Variants in N4BP2 observed in about 807,000 individuals in gnomAD.
N4BP2 encodes NEDD4 binding protein 2, also known as NEDD4-binding protein 2.
N4BP2 carries 91 observed loss-of-function variants against 152.8 expected under a neutral mutation model. The observed-to-expected ratio is 0.60, with a 90% confidence interval of 0.50 to 0.71. N4BP2 has a LOEUF of 0.71. Among genes scored for constraint, N4BP2 ranks in the 30% least tolerant of loss-of-function variants. N4BP2 has a pLI of 0.00. For missense variants in N4BP2, 1,923 were observed against 2,059.1 expected, an observed-to-expected ratio of 0.93 and a Z score of 1.28; for synonymous variants, 646 against 705.3, an observed-to-expected ratio of 0.92 and a Z score of 1.33.
At position 40,131,894 on chromosome 4, in the gene N4BP2, C is replaced by T. The variant is rs781322046; in HGVS notation, c.4621C>T (p.Leu1541=). ...KIFPAINQNF[L]VDIFKDHNYS... ...ATTTCCAGCCATTAACCAAAATTTTCTGGTGGACATTTTCAAGGACCACAA... is the reference window on the plus strand; with the variant it reads ...ATTTCCAGCCATTAACCAAAATTTTTTGGTGGACATTTTCAAGGACCACAA... The change falls in exon 13 of 18, where the codon CTG becomes TTG. Residue 1541 remains leucine, a synonymous_variant. Coordinates refer to ENST00000261435, the MANE Select transcript of N4BP2 (RefSeq NM_018177.6). The T allele has an allele frequency of 1.1e-5, 17 of 1,612,028 alleles. No homozygotes were observed. The highest frequency in any genetic ancestry group is 2.5e-6 in the Non-Finnish European group (3 of 1,178,398).
the N4BP2 span, among the ~76,000 whole-genome samples, chr4:40,183,935 C>T: frequency 6.6e-6 from 1 of 152,144 alleles, no homozygotes; most frequent in African/African-American, 2.4e-5. Context: ...TGCTCCTGCC[C>T]GTGTCTACTT....
chr4:40,165,964 A>G, the N4BP2 span, among the ~76,000 whole-genome samples: 3 of 151,988 alleles, frequency 2.0e-5, no homozygotes, highest in Admixed American at 6.6e-5. Flanking sequence ...GGCCTTATCT[A>G]TCTCCCTTCC....
At chr4:40,119,006 G>T (rs1387679872) in intron 8 of N4BP2, among the ~76,000 whole-genome samples, 1 of 152,132 alleles carries the variant, frequency 6.6e-6, no homozygotes, top group Non-Finnish European at 1.5e-5. Context: ...ATGCTTTTTT[G>T]ATTGAGAAAC....
At chr4:40,095,547 G>A (rs1425950569) in intron 2 of N4BP2, among the ~76,000 whole-genome samples, 2 of 152,116 alleles carry the variant, frequency 1.3e-5, no homozygotes, top group Non-Finnish European at 2.9e-5. Context: ...ATGGCTGGTG[G>A]CTGCCATATT....
chr4:40,118,080 T>TA, intron 8 of N4BP2, 56 bp downstream of exon 8: 1 of 1,387,008 alleles, frequency 7.2e-7, no homozygotes. Flanking sequence ...TTTTAAAAGG[T>TA]ATAATTTTGG....
downstream of N4BP2, among the ~76,000 whole-genome samples, chr4:40,158,434 G>A (rs1721761974): frequency 2.0e-5 from 3 of 152,288 alleles, no homozygotes; most frequent in South Asian, 6.2e-4. Flanking sequence ...TTTTGAACCA[G>A]ATAAATGGAT....
intron 17 of N4BP2, among the ~76,000 whole-genome samples, chr4:40,153,232 A>G (rs2109290883): frequency 6.6e-6 from 1 of 152,364 alleles, no homozygotes; most frequent in East Asian, 1.9e-4. Flanking sequence ...GTTCTAAAAG[A>G]AAGTAAATAT....
rs1192128455 is a variant in N4BP2 at position 40,144,819 on chromosome 4, C to G, written c.5143+19C>G. 1.3e-6 allele frequency: 2 copies of G among 1,579,198 alleles called. No individual in the cohort carries two copies. Among genetic ancestry groups the G allele is most frequent in the East Asian group, 4.5e-5 (2 of 44,076 alleles). On this transcript the variant is annotated intron_variant, in intron 16 of 17. Transcript: ENST00000261435. ...ACTGAAGGTAGGACTGTGGTAATCA[C>G]AAGTTTTCAATAGAATATATGTCTT... is the stretch of plus-strand genomic sequence containing the variant.
intron 2 of N4BP2, among the ~76,000 whole-genome samples, chr4:40,085,460 TA>T (rs1216885897): frequency 6.6e-6 from 1 of 152,196 alleles, no homozygotes; most frequent in Non-Finnish European, 1.5e-5. Context: ...ATTTATTTTT[TA>T]TTCTTTTTCT....
At position 40,155,949 on chromosome 4, in the gene N4BP2, A is replaced by T. The variant is rs1721568196; in HGVS notation, c.*1712A>T. ...GGTTAGTGACTGGTATTGAAGTATT[A>T]TTCACACTTATGTTTGTAATAATTT... On this transcript the variant is annotated 3_prime_UTR_variant, in exon 18 of 18. Transcript: ENST00000261435. The T allele has an allele frequency of 6.6e-6, 1 of 152,244 alleles. No individual in the cohort carries two copies. Among genetic ancestry groups the T allele is most frequent in the South Asian group, 2.1e-4 (1 of 4,838 alleles). 9.4% of individuals were successfully genotyped at this position (152,244 alleles called of 1,614,324 possible).
chr4:40,101,594 C>T (rs1224814333), intron 3 of N4BP2, among the ~76,000 whole-genome samples: 4 of 152,104 alleles, frequency 2.6e-5, no homozygotes, highest in African/African-American at 9.7e-5. Context: ...ATATGCAGTA[C>T]ATGCTCAAAT....
rs1224887381 is a variant in N4BP2 at position 40,122,159 on chromosome 4, G to T, written c.4048G>T (p.Ala1350Ser). 1.2e-6 allele frequency: 2 copies of T among 1,613,306 alleles called. No homozygotes were observed. Among genetic ancestry groups the T allele is most frequent in the Non-Finnish European group, 1.7e-6 (2 of 1,179,408 alleles). ...EILMAGSSLS[A>S]GVSGEDKTEI... ...TCTAATGGCAGGAAGTAGTTTATCAGCTGGAGTTAGTGGGGAAGATAAAAC... is the reference window on the plus strand; with the variant it reads ...TCTAATGGCAGGAAGTAGTTTATCATCTGGAGTTAGTGGGGAAGATAAAAC... Residue 1350 changes from alanine (A) to serine (S), a missense_variant, in exon 9 of 18, where the codon GCT (alanine) becomes TCT (serine). Transcript: ENST00000261435.
At chr4:40,073,683 T>G (rs1370930232) in intron 2 of N4BP2, 132 bp downstream of exon 2, 1 of 152,136 alleles carries the variant, frequency 6.6e-6, no homozygotes, top group Non-Finnish European at 1.5e-5. Flanking sequence ...AGCCTCAAAC[T>G]GCTAGGCTCA....
the N4BP2 span, among the ~76,000 whole-genome samples, chr4:40,189,754 T>C: frequency 3.3e-5 from 5 of 152,044 alleles, no homozygotes; most frequent in South Asian, 6.2e-4. This position sits in a 1 kb window ranked among gnomAD's most constrained non-coding sequence, Gnocchi z 4.3. Context: ...CTGGGCATGG[T>C]GGTAGGCCCC....
In N4BP2 at chr4:40,113,424, G is replaced by A. The variant is rs754976468; in HGVS notation, c.1588-8G>A. The A allele has an allele frequency of 1.3e-6, 2 of 1,589,410 alleles. No individual in the cohort carries two copies. Among genetic ancestry groups the A allele is most frequent in the South Asian group, 1.1e-5 (1 of 89,626 alleles). On this transcript the variant is annotated splice_region_variant and splice_polypyrimidine_tract_variant and intron_variant, in intron 6 of 17. Coordinates refer to ENST00000261435, the MANE Select transcript of N4BP2 (RefSeq NM_018177.6). ...ATTTTAAAATGTTTTTGTCTTTGTTGTATGTAGTCTCAGAAACACAAATAT... is the reference window on the plus strand; with the variant it reads ...ATTTTAAAATGTTTTTGTCTTTGTTATATGTAGTCTCAGAAACACAAATAT...
chr4:40,184,849 G>C, the N4BP2 span, among the ~76,000 whole-genome samples: 3 of 152,182 alleles, frequency 2.0e-5, no homozygotes, highest in Middle Eastern at 3.4e-3. Context: ...CCAGCTGCTC[G>C]GGAGGCTGAG....
chr4:40,132,779 A>G (rs1263295397), intron 13 of N4BP2, among the ~76,000 whole-genome samples: 1 of 151,836 alleles, frequency 6.6e-6, no homozygotes, highest in Non-Finnish European at 1.5e-5. Flanking sequence ...TTATTAATAT[A>G]TTTCATATCA....
Position 40,121,124 on chromosome 4 carries a change from A to G in N4BP2, c.3013A>G (p.Arg1005Gly). Residue 1005 changes from arginine (R) to glycine (G), a missense_variant, in exon 9 of 18, where the codon AGA (arginine) becomes GGA (glycine). Transcript: ENST00000261435. ...LAECQEQMPKRDPGKEVGMCT... is the reference protein window; with the variant it reads ...LAECQEQMPKGDPGKEVGMCT... Reference sequence around the variant, plus strand: ...TGAATGTCAAGAGCAAATGCCTAAGAGAGACCCTGGAAAAGAAGTAGGCAT... The same window carrying G: ...TGAATGTCAAGAGCAAATGCCTAAGGGAGACCCTGGAAAAGAAGTAGGCAT... 2 of 1,614,164 alleles carry G rather than the reference A, an allele frequency of 1.2e-6. No individual in the cohort carries two copies. Among genetic ancestry groups the G allele is most frequent in the South Asian group, 2.2e-5 (2 of 91,082 alleles).
intron 13 of N4BP2, among the ~76,000 whole-genome samples, chr4:40,132,131 A>G (rs1339436689): frequency 1.3e-5 from 2 of 152,156 alleles, no homozygotes; most frequent in African/African-American, 4.8e-5. Context: ...TTTCCTATAA[A>G]TAAGAATTGA....
Sources: allele counts gnomAD v4.1 joint callset (sites outside exome capture counted in the v4.1 genomes callset), GRCh38; gene constraint gnomAD v4.1.1; non-coding constraint Gnocchi (gnomAD v3.1); transcripts MANE v1.5; gene names NCBI Gene and HGNC (gene_info 2026-07-23, HGNC 2026-07-21).